Variants in CEP63 observed in about 807,000 individuals in gnomAD.
CEP63 encodes centrosomal protein of 63 kDa.
Under a neutral mutation model 89.1 loss-of-function variants are expected in CEP63, and 84 were observed. That is an observed-to-expected ratio of 0.94 (90% CI 0.79 to 1.13). CEP63 has a LOEUF of 1.13. Ranked by LOEUF, CEP63 falls within the 50% of genes most tolerant of loss-of-function variation. The probability of loss-of-function intolerance (pLI) is 0.00; values close to 1 mark genes in which losing one functional copy is unlikely to be tolerated. For synonymous variants in CEP63, 267 were observed against 272.5 expected (o/e 0.98, Z 0.20); for missense variants, 838 against 813.3 (o/e 1.03, Z -0.37).
intron 3 of CEP63, among the ~76,000 whole-genome samples, chr3:134,530,242 G>A (rs1949596419): frequency 1.3e-5 from 2 of 152,138 alleles, no homozygotes; most frequent in Admixed American, 1.3e-4. Context: ...CATGTGCTTT[G>A]TATTTCAGCA....
the CEP63 span, among the ~76,000 whole-genome samples, chr3:134,612,694 G>T: frequency 6.6e-6 from 1 of 151,258 alleles, no homozygotes; most frequent in African/African-American, 2.4e-5. Context: ...CCCCTGACAC[G>T]ATGTGAACTG....
chr3:134,723,037 TG>T, the CEP63 span, among the ~76,000 whole-genome samples: 3 of 152,208 alleles, frequency 2.0e-5, no homozygotes, highest in Non-Finnish European at 4.4e-5. Flanking sequence ...CATTTGCCCT[TG>T]CCAAATGCCC....
the CEP63 span, among the ~76,000 whole-genome samples, chr3:134,769,501 C>T: frequency 4.6e-4 from 70 of 152,286 alleles, no homozygotes; most frequent in African/African-American, 1.6e-3. Context: ...ATTTCTGGGG[C>T]GAGGCTTGGA....
At chr3:134,681,289 C>G in the CEP63 span, among the ~76,000 whole-genome samples, 1 of 152,166 alleles carries the variant, frequency 6.6e-6, no homozygotes, top group Non-Finnish European at 1.5e-5. Context: ...TTGCCTGGCA[C>G]CTTCAGAGAC....
At chr3:134,515,794 C>G (rs946895742) in intron 3 of CEP63, among the ~76,000 whole-genome samples, 6 of 152,152 alleles carry the variant, frequency 3.9e-5, no homozygotes, top group Admixed American at 1.3e-4. Context: ...TACACTAACA[C>G]TAATGCTGGC....
the CEP63 span, among the ~76,000 whole-genome samples, chr3:134,672,625 C>T: frequency 3.9e-5 from 6 of 152,176 alleles, no homozygotes; most frequent in African/African-American, 1.4e-4. Context: ...ACTCTCATTC[C>T]GGGGGCTCCC....
chr3:134,722,010 G>A, the CEP63 span, among the ~76,000 whole-genome samples: 3 of 152,032 alleles, frequency 2.0e-5, no homozygotes, highest in East Asian at 1.9e-4. Context: ...AAGTGTTTCC[G>A]TCTCTTCTAA....
the CEP63 span, among the ~76,000 whole-genome samples, chr3:134,781,571 T>TACTAC: frequency 4.9e-3 from 751 of 152,322 alleles, 7 homozygotes; most frequent in African/African-American, 0.017. Context: ...ACTACCTGGG[T>TACTAC]GATGGATCAT....
the CEP63 span, among the ~76,000 whole-genome samples, chr3:134,721,800 C>A: frequency 6.6e-6 from 1 of 152,054 alleles, no homozygotes; most frequent in Non-Finnish European, 1.5e-5. Flanking sequence ...TTAAACTAAT[C>A]TCCATTTGCA....
the CEP63 span, among the ~76,000 whole-genome samples, chr3:134,616,263 A>G: frequency 1.3e-5 from 2 of 152,222 alleles, no homozygotes; most frequent in Non-Finnish European, 2.9e-5. Flanking sequence ...GACAGAAGGA[A>G]CTGAATGATG....
downstream of CEP63, among the ~76,000 whole-genome samples, chr3:134,565,542 AAGTT>A (rs1577477162): frequency 6.6e-6 from 1 of 152,184 alleles, no homozygotes; most frequent in Non-Finnish European, 1.5e-5. Flanking sequence ...AATGTAGAAA[AAGTT>A]AGAAATGTGT....
At chr3:134,538,082 T>C (rs1407915489) in intron 6 of CEP63, among the ~76,000 whole-genome samples, 1 of 152,124 alleles carries the variant, frequency 6.6e-6, no homozygotes, top group African/African-American at 2.4e-5. Flanking sequence ...ATTGACCCAG[T>C]GCTTCTTGTA....
chr3:134,516,762 A>C (rs141503093), intron 3 of CEP63, among the ~76,000 whole-genome samples: 3,983 of 152,274 alleles, frequency 0.026, 169 homozygotes, highest in African/African-American at 0.09. Flanking sequence ...GGTTGGGGGT[A>C]AGGTTACAGA....
At chr3:134,516,137 G>A (rs1946152017) in intron 3 of CEP63, among the ~76,000 whole-genome samples, 1 of 152,164 alleles carries the variant, frequency 6.6e-6, no homozygotes, top group African/African-American at 2.4e-5. Context: ...CTCGGAGAGG[G>A]GGATGTGGCA....
At chr3:134,631,707 T>C in the CEP63 span, among the ~76,000 whole-genome samples, 1 of 151,968 alleles carries the variant, frequency 6.6e-6, no homozygotes, top group Non-Finnish European at 1.5e-5. Context: ...AAAATAGCTA[T>C]TATGGAGATA....
chr3:134,742,574 CT>C, the CEP63 span, among the ~76,000 whole-genome samples: 10 of 152,326 alleles, frequency 6.6e-5, no homozygotes, highest in Admixed American at 6.5e-4. Flanking sequence ...TAACTGTAGA[CT>C]GTGCTGGGAA....
At chr3:134,712,503 C>T in the CEP63 span, among the ~76,000 whole-genome samples, 1 of 152,112 alleles carries the variant, frequency 6.6e-6, no homozygotes, top group East Asian at 1.9e-4. Context: ...CTCCTTTTCT[C>T]TCTTCTTTTT....
the CEP63 span, among the ~76,000 whole-genome samples, chr3:134,638,384 TAC>T: frequency 6.6e-6 from 1 of 152,210 alleles, no homozygotes; most frequent in South Asian, 2.1e-4. Flanking sequence ...AAACCCTAAG[TAC>T]AGCCTAAGTA....
the CEP63 span, among the ~76,000 whole-genome samples, chr3:134,658,188 G>A: frequency 3.9e-5 from 6 of 152,246 alleles, no homozygotes; most frequent in South Asian, 2.1e-4. Context: ...GAGCCACTGC[G>A]CCCGGCTGAT....
Sources: allele counts gnomAD v4.1 joint callset (sites outside exome capture counted in the v4.1 genomes callset), GRCh38; gene constraint gnomAD v4.1.1; transcripts MANE v1.5; gene names NCBI Gene and HGNC (gene_info 2026-07-23, HGNC 2026-07-21).